EXOC4: variants seen among roughly 807,000 people sequenced by gnomAD.
The protein encoded by EXOC4 is SEC8-like 1.
EXOC4 carries 71 observed loss-of-function variants against 107.2 expected under a neutral mutation model. That is an observed-to-expected ratio of 0.66 (90% CI 0.55 to 0.81). The LOEUF (loss-of-function observed/expected upper bound fraction) is 0.81, where lower values mean the gene tolerates loss of function less well. EXOC4 is among the 30% of genes least tolerant of loss of function. The pLI, the probability that EXOC4 is intolerant of heterozygous loss-of-function variation, is 0.00. For synonymous variants in EXOC4, 456 were observed against 441.2 expected, an observed-to-expected ratio of 1.03 and a Z score of -0.42; for missense variants, 1,108 against 1,189.6, an observed-to-expected ratio of 0.93 and a Z score of 1.01.
chr7:133,568,926 G>A (rs575420754), intron 9 of EXOC4, among the ~76,000 whole-genome samples: 20 of 152,182 alleles, frequency 1.3e-4, no homozygotes, highest in Admixed American at 1.2e-3. Context: ...TTGATGTACC[G>A]TGTGAATAGA....
chr7:134,025,876 G>T (rs1330012881), intron 17 of EXOC4, among the ~76,000 whole-genome samples: 6 of 152,202 alleles, frequency 3.9e-5, no homozygotes, highest in African/African-American at 1.4e-4. Context: ...GGCTAGCCCA[G>T]ATTTAATGTA....
intron 13 of EXOC4, among the ~76,000 whole-genome samples, chr7:133,922,948 T>A (rs888971211): frequency 6.6e-6 from 1 of 151,832 alleles, no homozygotes; most frequent in Non-Finnish European, 1.5e-5. Flanking sequence ...TGCTGGGCTC[T>A]TGGAACTATT....
intron 12 of EXOC4, among the ~76,000 whole-genome samples, chr7:133,898,352 G>C (rs1440107060): frequency 6.6e-6 from 1 of 152,042 alleles, no homozygotes; most frequent in Non-Finnish European, 1.5e-5. Context: ...GAATTTCTGG[G>C]CCATTAGAGT....
At chr7:133,435,173 G>C (rs1448353317) in intron 7 of EXOC4, among the ~76,000 whole-genome samples, 1 of 151,972 alleles carries the variant, frequency 6.6e-6, no homozygotes, top group African/African-American at 2.4e-5. Flanking sequence ...TCGATGCTTT[G>C]GTTGCACTTT....
intron 14 of EXOC4, among the ~76,000 whole-genome samples, chr7:133,978,631 A>G (rs1793898845): frequency 6.6e-6 from 1 of 151,808 alleles, no homozygotes; most frequent in Non-Finnish European, 1.5e-5. Flanking sequence ...GAAGGATACA[A>G]AAAGCAAGGA....
At chr7:133,378,706 A>C (rs1796548154) in intron 7 of EXOC4, among the ~76,000 whole-genome samples, 1 of 152,132 alleles carries the variant, frequency 6.6e-6, no homozygotes, top group African/African-American at 2.4e-5. Flanking sequence ...TAAGATAGAT[A>C]CGTAGCTGAG....
intron 7 of EXOC4, among the ~76,000 whole-genome samples, chr7:133,384,234 G>C (rs1796677886): frequency 6.6e-6 from 1 of 152,084 alleles, no homozygotes; most frequent in African/African-American, 2.4e-5. Flanking sequence ...GCTTGGCAGG[G>C]GATACCCCAG....
intron 10 of EXOC4, among the ~76,000 whole-genome samples, chr7:133,673,657 G>C (rs368254460): frequency 6.6e-6 from 1 of 152,136 alleles, no homozygotes; most frequent in South Asian, 2.1e-4. Context: ...ACTGTTTCCT[G>C]TGCTCTCTGA....
chr7:133,908,285 T>A (rs1203180545), intron 12 of EXOC4, among the ~76,000 whole-genome samples: 1 of 152,232 alleles, frequency 6.6e-6, no homozygotes, highest in Non-Finnish European at 1.5e-5. Context: ...TCACAACAAT[T>A]CTGTTGAATT....
At chr7:134,036,092 C>T (rs1184031754) in intron 17 of EXOC4, among the ~76,000 whole-genome samples, 1 of 152,202 alleles carries the variant, frequency 6.6e-6, no homozygotes, top group African/African-American at 2.4e-5. Context: ...AACTGTTAAT[C>T]TCACCTTTCC....
intron 9 of EXOC4, among the ~76,000 whole-genome samples, chr7:133,588,946 ATG>A (rs528855556): frequency 6.7e-6 from 1 of 149,646 alleles, no homozygotes; most frequent in Non-Finnish European, 1.5e-5. Flanking sequence ...GTGTATGTAT[ATG>A]TGTGTGTGCA....
At chr7:133,733,821 G>A (rs1795381941) in intron 10 of EXOC4, among the ~76,000 whole-genome samples, 1 of 152,100 alleles carries the variant, frequency 6.6e-6, no homozygotes, top group East Asian at 1.9e-4. Flanking sequence ...TTTCTCTTCA[G>A]TGTTTGTAAC....
intron 14 of EXOC4, among the ~76,000 whole-genome samples, chr7:133,978,981 T>G (rs1012760507): frequency 6.6e-6 from 1 of 152,208 alleles, no homozygotes; most frequent in African/African-American, 2.4e-5. Flanking sequence ...CATTTCACTC[T>G]GTACAGTAAA....
chr7:133,278,688 G>T (rs1794055748), intron 2 of EXOC4, among the ~76,000 whole-genome samples: 2 of 152,136 alleles, frequency 1.3e-5, no homozygotes, highest in African/African-American at 4.8e-5. Flanking sequence ...ATGTGGTGTG[G>T]TGGGTGGGTG....
intron 12 of EXOC4, among the ~76,000 whole-genome samples, chr7:133,896,730 A>G (rs1173923576): frequency 2.0e-5 from 3 of 148,582 alleles, no homozygotes; most frequent in East Asian, 1.9e-4. Context: ...CAATGGCACA[A>G]TCTTGGCTCA....
At position 134,055,055 on chromosome 7, in the gene EXOC4, C is replaced by T. The variant is rs1795890136; in HGVS notation, c.2688-9236C>T. On this transcript the variant is annotated intron_variant, in intron 17 of 17. Transcript: ENST00000253861. The stretch of plus-strand genomic sequence containing the variant: ...TAGTTAATACACCCTCAAGTGTTTG[C>T]CACTGGGACCTGCTGATTTACATAT... Among the ~76,000 whole-genome samples, 3 of 152,186 alleles carry T rather than the reference C, an allele frequency of 2.0e-5. No individual in the cohort carries two copies. In the South Asian group the frequency reaches 6.2e-4, roughly 32 times the overall value.
At chr7:133,521,745 G>C (rs191104542) in intron 9 of EXOC4, among the ~76,000 whole-genome samples, 1 of 151,852 alleles carries the variant, frequency 6.6e-6, no homozygotes, top group African/African-American at 2.4e-5. Context: ...TCAGCCTCCC[G>C]AGTAGCTGGG....
chr7:133,609,237 T>C (rs759128548), intron 9 of EXOC4, among the ~76,000 whole-genome samples: 9 of 152,218 alleles, frequency 5.9e-5, no homozygotes, highest in Non-Finnish European at 1.2e-4. Context: ...ATTTTTGTTG[T>C]GTGGAATCCA....
rs1797642571 is a variant in EXOC4 at position 133,423,225 on chromosome 7, C to CAAAAAAA, written c.1182+48223_1182+48224insAAAAAAA. On this transcript the variant is annotated intron_variant, in intron 7 of 17. Coordinates refer to ENST00000253861, the MANE Select transcript of EXOC4 (RefSeq NM_021807.4). The stretch of plus-strand genomic sequence containing the variant: ...TGGGCGACAGAGCGAGACTCCGTCT[C>CAAAAAAA]CAAAAAAAAAAAAAAAAAAAAAAAA... Among the ~76,000 whole-genome samples, 7 of 12,154 alleles carry CAAAAAAA rather than the reference C, an allele frequency of 5.8e-4. 3 individuals carry two copies. The highest frequency in any genetic ancestry group is 3.9e-3 in the African/African-American group (5 of 1,282). The allele number at this position is 12,154 out of a possible 152,430, so 8.0% of individuals were successfully genotyped here. A position where few individuals can be genotyped will look rare whatever the true frequency, so the allele number is the denominator to read the frequency against.
Sources: allele counts gnomAD v4.1 joint callset (sites outside exome capture counted in the v4.1 genomes callset), GRCh38; gene constraint gnomAD v4.1.1; transcripts MANE v1.5; gene names NCBI Gene and HGNC (gene_info 2026-07-23, HGNC 2026-07-21).